Variants in CUL5 observed in about 807,000 individuals in gnomAD.
CUL5 encodes cullin-5.
In CUL5, 26 loss-of-function variants were observed where a neutral mutation model predicts 108.8. The ratio of observed to expected loss-of-function variants is 0.24; its 90% confidence interval spans 0.18 to 0.33. The LOEUF is 0.33. Ranked by LOEUF, CUL5 falls within the 10% of genes least tolerant of loss-of-function variation. The pLI is 1.00. For synonymous variants in CUL5, 334 were observed against 298.0 expected, an observed-to-expected ratio of 1.12 and a Z score of -1.25; for missense variants, 524 against 909.2, an observed-to-expected ratio of 0.58 and a Z score of 5.45.
At chr11:108,039,655 A>G (rs1250035948) in intron 2 of CUL5, among the ~76,000 whole-genome samples, 3 of 152,166 alleles carry the variant, frequency 2.0e-5, no homozygotes, top group African/African-American at 7.2e-5. Context: ...CCTCAGCTCC[A>G]TTTTAGTTTC....
intron 1 of CUL5, 61 bp downstream of exon 1, chr11:108,009,433 A>G: frequency 1.9e-6 from 3 of 1,576,596 alleles, no homozygotes; most frequent in Non-Finnish European, 2.6e-6. Flanking sequence ...CTCTTTGGGA[A>G]AGGCACGGCT....
rs144744631 is a variant in CUL5, at chr11:108,089,912, C to G, written c.1443+289C>G. Reference sequence around the variant, plus strand: ...AAAATTAGCTGGATGTGCTGGTGCACTCCGGTAATTCCAGCTGCTTGGGAG... The same window carrying G: ...AAAATTAGCTGGATGTGCTGGTGCAGTCCGGTAATTCCAGCTGCTTGGGAG... On this transcript the variant is annotated intron_variant, in intron 13 of 18. Transcript: ENST00000393094. Among the ~76,000 whole-genome samples, 392 of 152,036 alleles carry G rather than the reference C, an allele frequency of 2.6e-3. 5 individuals carry two copies. Among genetic ancestry groups the G allele is most frequent in the East Asian group, 0.013 (66 of 5,146 alleles).
chr11:108,017,607 T>G (rs1434987195), intron 1 of CUL5, among the ~76,000 whole-genome samples: 1 of 151,952 alleles, frequency 6.6e-6, no homozygotes, highest in East Asian at 1.9e-4. Context: ...TGCAGCACTT[T>G]GAGAAGCCCA....
At chr11:108,071,343 C>G (rs1380563662) in intron 8 of CUL5, among the ~76,000 whole-genome samples, 1 of 152,146 alleles carries the variant, frequency 6.6e-6, no homozygotes, top group Non-Finnish European at 1.5e-5. Context: ...TCACTGTAGC[C>G]TTGACCTCCT....
Position 108,095,466 on chromosome 11 carries a change from T to C in CUL5, c.1744-64T>C, listed in dbSNP as rs963268512. On this transcript the variant is annotated intron_variant, in intron 15 of 18. Coordinates refer to ENST00000393094, the MANE Select transcript of CUL5 (RefSeq NM_003478.6). ...AACCTTTTTCATATATAAATTCATG[T>C]CATAGATATTAAGAGAGAATCATCA... The C allele has an allele frequency of 2.3e-5, 25 of 1,105,662 alleles. No individual in the cohort carries two copies. In the African/African-American group the frequency reaches 3.8e-4, roughly 17 times the overall value. 68.5% of individuals were successfully genotyped at this position (1,105,662 alleles called of 1,614,324 possible).
At chr11:108,077,463 CTA>C in intron 10 of CUL5, among the ~76,000 whole-genome samples, 2 of 152,044 alleles carry the variant, frequency 1.3e-5, no homozygotes, top group South Asian at 4.2e-4. Flanking sequence ...AACCCTGTCT[CTA>C]TTAAAAATAC....
intron 11 of CUL5, among the ~76,000 whole-genome samples, chr11:108,082,734 T>C (rs1471002346): frequency 1.3e-5 from 2 of 152,104 alleles, no homozygotes; most frequent in Non-Finnish European, 2.9e-5. Flanking sequence ...AGCCTTCGCC[T>C]CCTGGGCTCA....
chr11:108,059,660 T>C (rs77040041), intron 7 of CUL5, among the ~76,000 whole-genome samples: 2 of 151,862 alleles, frequency 1.3e-5, no homozygotes, highest in Admixed American at 1.3e-4. Flanking sequence ...GGGTGGATCA[T>C]GAGGTCAGGA....
Position 108,041,079 on chromosome 11 carries a change from G to A in CUL5, c.135-5191G>A, listed in dbSNP as rs559665728. ...GGGATGCACAGGTCTCCTCTGATGG[G>A]TGACTTTGGCTCCAGAATTCTTCAA... On this transcript the variant is annotated intron_variant, in intron 2 of 18. Transcript: ENST00000393094. Among the ~76,000 whole-genome samples the A allele has an allele frequency of 4.6e-5, 7 of 152,230 alleles. No individual in the cohort carries two copies. The South Asian group carries it at 1.5e-3, about 32-fold the overall frequency.
rs565735742 is a variant in CUL5, at chr11:108,073,584, A to G, written c.1113+87A>G. ...AATAATCAATTTGCATTATTTTTCT[A>G]TTAATTATAAACTTAAAAACCTAGC... On this transcript the variant is annotated intron_variant, in intron 10 of 18. Transcript: ENST00000393094. 2.7e-5 allele frequency: 15 copies of G among 557,500 alleles called. 1 individual carries two copies. The South Asian group carries it at 7.1e-4, about 27-fold the overall frequency. 34.5% of individuals were successfully genotyped at this position (557,500 alleles called of 1,614,324 possible).
chr11:108,092,686 C>T (rs909659734), intron 13 of CUL5, among the ~76,000 whole-genome samples: 2 of 152,014 alleles, frequency 1.3e-5, no homozygotes, highest in African/African-American at 2.4e-5. Flanking sequence ...GGGGAAATGA[C>T]GAGTGACTGT....
chr11:108,068,853 C>T (rs539868476), intron 7 of CUL5, among the ~76,000 whole-genome samples: 5 of 152,184 alleles, frequency 3.3e-5, no homozygotes, highest in Admixed American at 6.5e-5. Context: ...TCAACAGCCT[C>T]GTTACCATAT....
intron 2 of CUL5, among the ~76,000 whole-genome samples, chr11:108,039,898 C>T (rs1248149630): frequency 6.6e-6 from 1 of 152,064 alleles, no homozygotes; most frequent in Non-Finnish European, 1.5e-5. Flanking sequence ...TTAGTGGTTG[C>T]CTTCGTGTTT....
At chr11:108,075,707 T>C (rs897731024) in intron 10 of CUL5, among the ~76,000 whole-genome samples, 11 of 152,134 alleles carry the variant, frequency 7.2e-5, no homozygotes, top group African/African-American at 2.7e-4. Flanking sequence ...GGCTAGGTTT[T>C]TAAAGTTTTT....
intron 7 of CUL5, among the ~76,000 whole-genome samples, chr11:108,063,914 A>G (rs1863611696): frequency 6.6e-6 from 1 of 152,214 alleles, no homozygotes; most frequent in African/African-American, 2.4e-5. Flanking sequence ...CCTGTCTTAT[A>G]GATAAAAGCT....
chr11:108,088,730 T>G (rs1474842549), intron 12 of CUL5, 71 bp downstream of exon 12: 2 of 1,196,902 alleles, frequency 1.7e-6, no homozygotes, highest in Non-Finnish European at 2.3e-6. Context: ...TTATAGGACT[T>G]TCTGTGATAG....
At chr11:108,057,178 C>T (rs554545414) in intron 7 of CUL5, among the ~76,000 whole-genome samples, 6 of 152,188 alleles carry the variant, frequency 3.9e-5, no homozygotes, top group South Asian at 2.1e-4. Context: ...ACTACAGGTA[C>T]GTGCCACTAC....
rs552495771 is a variant in CUL5 at position 108,068,747 on chromosome 11, C to T, written c.781-1349C>T. 5.3e-5 allele frequency among the ~76,000 whole-genome samples: 8 copies of T among 152,152 alleles called. No individual in the cohort carries two copies. The South Asian group carries it at 8.3e-4, about 16-fold the overall frequency. On this transcript the variant is annotated intron_variant, in intron 7 of 18. Transcript: ENST00000393094. ...AAGAGAAGTAAATAATTACATGACA[C>T]GAGGGAGCAGAGATGACATGATATC...
At chr11:108,072,133 C>T (rs958561690) in intron 8 of CUL5, among the ~76,000 whole-genome samples, 199 bp from the exon 9 acceptor site, 3 of 152,006 alleles carry the variant, frequency 2.0e-5, no homozygotes, top group African/African-American at 7.2e-5. Flanking sequence ...GAGCCGTGAT[C>T]GAGCCACTGT....
Sources: gnomAD v4.1 joint callset for allele counts (sites outside exome capture counted in the v4.1 genomes callset) on GRCh38, gnomAD v4.1.1 for gene constraint, MANE v1.5 for transcripts, NCBI Gene and HGNC (gene_info 2026-07-23, HGNC 2026-07-21) for gene names.